ZNF230: variants seen among roughly 807,000 people sequenced by gnomAD.
ZNF230 encodes the protein zinc finger protein FDZF2.
ZNF230 carries 12 observed loss-of-function variants against 10.0 expected under a neutral mutation model. That is an observed-to-expected ratio of 1.20 (90% confidence interval 0.77 to 1.95). The LOEUF (loss-of-function observed/expected upper bound fraction) is 1.95, where lower values mean the gene tolerates loss of function less well. Among genes scored for constraint, ZNF230 ranks in the 30% most tolerant of loss-of-function variants. The pLI, the probability that ZNF230 is intolerant of heterozygous loss-of-function variation, is 0.00. For synonymous variants in ZNF230, 174 were observed against 193.6 expected, an observed-to-expected ratio of 0.90 and a Z score of 0.84; for missense variants, 532 against 565.8, an observed-to-expected ratio of 0.94 and a Z score of 0.61.
chr19:44,003,292 G>A (rs1976086947), intron 1 of ZNF230, 185 bp downstream of exon 1: 1 of 152,400 alleles, frequency 6.6e-6, no homozygotes, highest in Non-Finnish European at 1.5e-5. Flanking sequence ...CCGCTTTCTC[G>A]CAGTGTGACG....
intron 2 of ZNF230, among the ~76,000 whole-genome samples, chr19:44,007,742 C>T (rs923644193): frequency 1.3e-5 from 2 of 152,208 alleles, no homozygotes; most frequent in Non-Finnish European, 2.9e-5. Flanking sequence ...CTGTGTCCCG[C>T]TTATCATTCT....
chr19:44,009,192 G>T lies in ZNF230; in HGVS notation c.229+22G>T, dbSNP rs774913769. ...TCAGGTAAGAAGCAAGCAACTGTGT[G>T]TCCTTGTACATGACTTTCTTTCCCA... is the stretch of plus-strand genomic sequence containing the variant. On this transcript the variant is annotated intron_variant, in intron 4 of 4. Coordinates refer to ENST00000429154, the MANE Select transcript of ZNF230 (RefSeq NM_006300.4). 3 of 1,610,564 alleles carry T rather than the reference G, an allele frequency of 1.9e-6. No individual in the cohort carries two copies. The Admixed American group carries it at 5.0e-5, about 27-fold the overall frequency.
rs772646290 is a variant in ZNF230 at position 44,009,140 on chromosome 19, G to GA, written c.200dup (p.Thr68AspfsTer21). On this transcript the variant is annotated frameshift_variant, in exon 4 of 5. Coordinates refer to ENST00000429154, the MANE Select transcript of ZNF230 (RefSeq NM_006300.4). LOFTEE classifies it low-confidence loss of function (END_TRUNC). ...AAGGGAAGAAAAGTTTTGGATGATG[G>GA]AGACAGCAACCCAAAGAGAAGGAAA... 1 of 1,614,192 alleles carries GA rather than the reference G, an allele frequency of 6.2e-7. No individual in the cohort carries two copies. The highest frequency in any genetic ancestry group is 1.1e-5 in the South Asian group (1 of 91,082).
rs1175866994 is a variant in ZNF230 at position 44,013,920 on chromosome 19, T to G, written c.*2456T>G. The G allele has an allele frequency of 6.6e-6, 1 of 152,188 alleles. No individual in the cohort carries two copies. Among genetic ancestry groups the G allele is most frequent in the East Asian group, 1.9e-4 (1 of 5,196 alleles). 9.4% of individuals were successfully genotyped at this position (152,188 alleles called of 1,614,324 possible). On this transcript the variant is annotated 3_prime_UTR_variant, in exon 5 of 5. Transcript: ENST00000429154. ...ATCTCAGAATAAAATTGCTCTATAT[T>G]GTCATATGATGTAAGTTCACAATGA...
At chr19:44,009,042 A>C in intron 3 of ZNF230, 42 bp from the exon 4 acceptor site, 1 of 1,610,572 alleles carries the variant, frequency 6.2e-7, no homozygotes, top group Non-Finnish European at 8.5e-7. Context: ...GATATTACCT[A>C]GAATGAATTG....
At chr19:44,009,247 T>G in intron 4 of ZNF230, 77 bp downstream of exon 4, 1 of 1,475,468 alleles carries the variant, frequency 6.8e-7, no homozygotes, top group Non-Finnish European at 9.4e-7. Context: ...TGCCCACTTA[T>G]ATCACCCTGA....
In ZNF230 at chr19:44,008,918, T is replaced by G; in HGVS notation, c.142+2T>G. On this transcript the variant is annotated splice_donor_variant, in intron 3 of 4. Coordinates refer to ENST00000429154, the MANE Select transcript of ZNF230 (RefSeq NM_006300.4). LOFTEE classifies it high-confidence loss of function. ...ACTTCACGAACCTGCTGTCAGTGGG[T>G]GAGCACAGGCACCCTCTGTAATGGT... 1 of 1,613,678 alleles carries G rather than the reference T, an allele frequency of 6.2e-7. No individual in the cohort carries two copies. The highest frequency in any genetic ancestry group is 8.5e-7 in the Non-Finnish European group (1 of 1,179,720).
chr19:44,005,844 G>C lies in ZNF230; in HGVS notation c.-68-1167G>C, dbSNP rs190330369. ...GCGGAGGTTGCAGTGAGCTGAGATC[G>C]CGCCACTGCACTCCAGCATGGGTGA... On this transcript the variant is annotated intron_variant, in intron 1 of 4. Coordinates refer to ENST00000429154, the MANE Select transcript of ZNF230 (RefSeq NM_006300.4). Among the ~76,000 whole-genome samples the C allele has an allele frequency of 4.5e-3, 688 of 152,178 alleles. 2 individuals carry two copies. The highest frequency in any genetic ancestry group is 7.0e-3 in the Non-Finnish European group (474 of 68,010).
intron 2 of ZNF230, 64 bp from the exon 3 acceptor site, chr19:44,008,726 A>T (rs1976144159): frequency 6.3e-7 from 1 of 1,583,692 alleles, no homozygotes; most frequent in African/African-American, 1.3e-5. Flanking sequence ...CGCCTGCTCA[A>T]TGCTGCTCCT....
chr19:44,010,233 C>T, intron 4 of ZNF230, 36 bp from the exon 5 acceptor site: 1 of 1,536,400 alleles, frequency 6.5e-7, no homozygotes, highest in Non-Finnish European at 8.8e-7. Context: ...ACAAAGGCTT[C>T]ATTTGTCCAC....
intron 1 of ZNF230, among the ~76,000 whole-genome samples, chr19:44,005,047 C>T (rs140053746): frequency 0.033 from 4,938 of 150,088 alleles, 265 homozygotes; most frequent in African/African-American, 0.11. Context: ...GGCGTGAGCC[C>T]GGGAGGCGGA....
At chr19:44,006,801 T>C (rs1428550868) in intron 1 of ZNF230, 1 of 308,478 alleles carries the variant, frequency 3.2e-6, no homozygotes, top group Non-Finnish European at 6.0e-6. Context: ...GGTACTTCAT[T>C]CCTTTTAATT....
chr19:44,008,922 C>A lies in ZNF230; in HGVS notation c.142+6C>A, dbSNP rs1445502218. The stretch of plus-strand genomic sequence containing the variant: ...CACGAACCTGCTGTCAGTGGGTGAG[C>A]ACAGGCACCCTCTGTAATGGTACAT... On this transcript the variant is annotated splice_donor_region_variant and intron_variant, in intron 3 of 4. Coordinates refer to ENST00000429154, the MANE Select transcript of ZNF230 (RefSeq NM_006300.4). 6.2e-7 allele frequency: 1 copy of A among 1,613,336 alleles called. No homozygotes were observed. The highest frequency in any genetic ancestry group is 1.1e-5 in the South Asian group (1 of 90,994).
At position 44,008,716 on chromosome 19, in the gene ZNF230, C is replaced by T. The variant is rs149291895; in HGVS notation, c.16-74C>T. ...TAAGTTGACCTCCACTTCTCCTCTCCGCCTGCTCAATGCTGCTCCTCCCCC... is the reference window on the plus strand; with the variant it reads ...TAAGTTGACCTCCACTTCTCCTCTCTGCCTGCTCAATGCTGCTCCTCCCCC... On this transcript the variant is annotated intron_variant, in intron 2 of 4. Coordinates refer to ENST00000429154, the MANE Select transcript of ZNF230 (RefSeq NM_006300.4). The T allele has an allele frequency of 5.5e-4, 853 of 1,546,030 alleles. 4 individuals carry two copies. In the African/African-American group the frequency reaches 8.8e-3, roughly 16 times the overall value.
chr19:44,009,412 C>T (rs929015785), intron 4 of ZNF230: 4 of 566,176 alleles, frequency 7.1e-6, no homozygotes, highest in African/African-American at 3.8e-5. Flanking sequence ...GTCCAAAAGC[C>T]TTTATGGTTT....
rs1406005062 is a variant in ZNF230, at chr19:44,010,843, G to T, written c.804G>T (p.Gln268His). ...GRAFIHDFQL[Q>H]KHQIIHTGEK... ...CCTTCATTCACGATTTCCAGCTTCAGAAACATCAGATAATTCATACTGGGG... is the reference window on the plus strand; with the variant it reads ...CCTTCATTCACGATTTCCAGCTTCATAAACATCAGATAATTCATACTGGGG... Residue 268 changes from glutamine (Q) to histidine (H), a missense_variant, in exon 5 of 5, where the codon CAG (glutamine) becomes CAT (histidine). Physicochemically the swap from Gln to His is conservative, Grantham distance 24 (BLOSUM62 0). Coordinates refer to ENST00000429154, the MANE Select transcript of ZNF230 (RefSeq NM_006300.4). 3 of 1,614,192 alleles carry T rather than the reference G, an allele frequency of 1.9e-6. No homozygotes were observed. The highest frequency in any genetic ancestry group is 2.5e-6 in the Non-Finnish European group (3 of 1,180,024).
chr19:44,005,190 A>G (rs1246258629), intron 1 of ZNF230, among the ~76,000 whole-genome samples: 2 of 152,202 alleles, frequency 1.3e-5, no homozygotes, highest in African/African-American at 2.4e-5. Context: ...TAAAAGCTAT[A>G]GAAAAGTTGC....
In ZNF230 at chr19:44,012,539, C is replaced by T. The variant is rs371976825; in HGVS notation, c.*1075C>T. ...GCAGTAGGGTTGCAAACAGAACTTA[C>T]GCTTGTCATTCAGGAGACAGGCCTT... On this transcript the variant is annotated 3_prime_UTR_variant, in exon 5 of 5. Coordinates refer to ENST00000429154, the MANE Select transcript of ZNF230 (RefSeq NM_006300.4). 1.7e-4 allele frequency: 88 copies of T among 505,728 alleles called. No individual in the cohort carries two copies. In the East Asian group the frequency reaches 2.4e-3, roughly 14 times the overall value. The allele number at this position is 505,728 out of a possible 1,614,324, so 31.3% of individuals were successfully genotyped here. A position where few individuals can be genotyped will look rare whatever the true frequency, so the allele number is the denominator to read the frequency against.
In ZNF230 at chr19:44,008,415, G is replaced by A. The variant is rs140762460; in HGVS notation, c.16-375G>A. 1.2e-4 allele frequency among the ~76,000 whole-genome samples: 19 copies of A among 152,274 alleles called. No homozygotes were observed. In the East Asian group the frequency reaches 3.7e-3, roughly 29 times the overall value. On this transcript the variant is annotated intron_variant, in intron 2 of 4. Transcript: ENST00000429154. Reference sequence around the variant, plus strand: ...CTAAAGAAAAGTGATAGCATCCAGGGTTTGGGTCTGAGAGAGGAGGACAAT... The same window carrying A: ...CTAAAGAAAAGTGATAGCATCCAGGATTTGGGTCTGAGAGAGGAGGACAAT...
Sources: allele counts gnomAD v4.1 joint callset (sites outside exome capture counted in the v4.1 genomes callset), GRCh38; gene constraint gnomAD v4.1.1; transcripts MANE v1.5; gene names NCBI Gene and HGNC (gene_info 2026-07-23, HGNC 2026-07-21).